NRG1: variants seen among roughly 807,000 people sequenced by gnomAD.
NRG1 encodes the protein neuregulin 1, also known as pro-neuregulin-1, membrane-bound isoform.
Under a neutral mutation model 63.8 loss-of-function variants are expected in NRG1, and 18 were observed. The observed-to-expected ratio is 0.28, with a 90% CI of 0.19 to 0.42. The LOEUF (loss-of-function observed/expected upper bound fraction) is 0.42, where lower values mean the gene tolerates loss of function less well. Ranked by LOEUF, NRG1 falls within the 10% of genes least tolerant of loss-of-function variation. The pLI is 1.00. For missense variants in NRG1, 762 were observed against 814.7 expected (o/e 0.94, Z 0.79); for synonymous variants, 302 against 301.3 (o/e 1.00, Z -0.02).
chr8:31,706,972 C>T (rs1811212458), intron 1 of NRG1, among the ~76,000 whole-genome samples: 1 of 151,944 alleles, frequency 6.6e-6, no homozygotes, highest in Non-Finnish European at 1.5e-5. Context: ...AGAATTATAT[C>T]ATTTGTATTT....
intron 1 of NRG1, among the ~76,000 whole-genome samples, chr8:31,678,937 C>T (rs1808030353): frequency 1.3e-5 from 2 of 151,578 alleles, no homozygotes; most frequent in South Asian, 4.1e-4. Flanking sequence ...CTGACTATTT[C>T]ATGGTAGGTT....
At chr8:32,436,165 A>G (rs1246491219) in intron 1 of NRG1, among the ~76,000 whole-genome samples, 2 of 152,176 alleles carry the variant, frequency 1.3e-5, no homozygotes, top group African/African-American at 4.8e-5. Flanking sequence ...CACATCTTAC[A>G]TGGCAGCAGG....
chr8:32,621,260 ATTTTC>A (rs1395338189), intron 5 of NRG1, among the ~76,000 whole-genome samples: 1 of 151,970 alleles, frequency 6.6e-6, no homozygotes, highest in Non-Finnish European at 1.5e-5. Context: ...AATTTTCTTT[ATTTTC>A]TTTTGTTTTT....
intron 1 of NRG1, among the ~76,000 whole-genome samples, chr8:32,309,052 G>A (rs938030087): frequency 2.6e-5 from 4 of 152,130 alleles, no homozygotes; most frequent in African/African-American, 9.7e-5. Flanking sequence ...AGGAGTGAAG[G>A]ATGTGCCATC....
intron 1 of NRG1, among the ~76,000 whole-genome samples, chr8:32,314,249 T>A (rs1366150327): frequency 3.3e-5 from 5 of 152,136 alleles, no homozygotes; most frequent in African/African-American, 4.8e-5. Context: ...GAAAGAGTCT[T>A]GGAGCAGGAG....
chr8:32,019,390 G>C (rs1240922628), intron 1 of NRG1, among the ~76,000 whole-genome samples: 2 of 152,200 alleles, frequency 1.3e-5, no homozygotes, highest in African/African-American at 4.8e-5. Flanking sequence ...GAGCCAGCGT[G>C]CCTGGCATGG....
chr8:32,410,611 A>C (rs1814779078), intron 1 of NRG1, among the ~76,000 whole-genome samples: 1 of 152,176 alleles, frequency 6.6e-6, no homozygotes, highest in Admixed American at 6.5e-5. Context: ...CATGACCATT[A>C]GTCTTTCATT....
intron 1 of NRG1, among the ~76,000 whole-genome samples, chr8:32,158,507 C>T (rs760369565): frequency 1.5e-3 from 154 of 105,958 alleles, no homozygotes; most frequent in Admixed American, 6.9e-3. Flanking sequence ...CAAAACAGAT[C>T]ACAAAGCTGA....
At chr8:32,243,139 C>A (rs1848274925) in intron 1 of NRG1, among the ~76,000 whole-genome samples, 1 of 152,030 alleles carries the variant, frequency 6.6e-6, no homozygotes, top group South Asian at 2.1e-4. Flanking sequence ...GGACATTAGT[C>A]ATTGCTGGGC....
chr8:32,272,842 CAG>C (rs1042500640), intron 1 of NRG1, among the ~76,000 whole-genome samples: 1 of 152,098 alleles, frequency 6.6e-6, no homozygotes, highest in African/African-American at 2.4e-5. Flanking sequence ...TAAAATAAAT[CAG>C]AGTTTCCTTT....
intron 1 of NRG1, among the ~76,000 whole-genome samples, chr8:31,822,633 A>C (rs1190618474): frequency 6.6e-6 from 1 of 152,210 alleles, no homozygotes; most frequent in African/African-American, 2.4e-5. Context: ...GCCTATTAAA[A>C]AGGCAGACCC....
At chr8:31,982,146 T>C (rs1394581002) in intron 1 of NRG1, among the ~76,000 whole-genome samples, 1 of 151,992 alleles carries the variant, frequency 6.6e-6, no homozygotes, top group Non-Finnish European at 1.5e-5. Flanking sequence ...TCATAGGCTC[T>C]GATTAAGATT....
chr8:32,339,818 G>A (rs1390886198), intron 1 of NRG1, among the ~76,000 whole-genome samples: 1 of 152,136 alleles, frequency 6.6e-6, no homozygotes, highest in African/African-American at 2.4e-5. Context: ...GTTGTTGGAG[G>A]TTGATTGAAA....
intron 1 of NRG1, among the ~76,000 whole-genome samples, chr8:32,319,251 G>A (rs868560658): frequency 6.6e-6 from 1 of 152,138 alleles, no homozygotes; most frequent in Non-Finnish European, 1.5e-5. Flanking sequence ...GATGGAAACA[G>A]GACCCATCAC....
At chr8:32,009,645 C>T (rs1252808813) in intron 1 of NRG1, among the ~76,000 whole-genome samples, 1 of 151,848 alleles carries the variant, frequency 6.6e-6, no homozygotes, top group East Asian at 1.9e-4. Context: ...TGAGCAAAAT[C>T]GTGAAGGTGA....
At position 32,613,436 on chromosome 8, in the gene NRG1, C is replaced by T. The variant is rs190933566; in HGVS notation, c.401-1078C>T. Among the ~76,000 whole-genome samples, 1,241 of 152,080 alleles carry T rather than the reference C, an allele frequency of 8.2e-3. 11 individuals carry two copies. Among genetic ancestry groups the T allele is most frequent in the Non-Finnish European group, 0.014 (966 of 67,932 alleles). ...TGGCGCTTAAATTGATTCTGCTTAC[C>T]TGCTAGACTAGTCCAATCTTGGAAA... is the stretch of plus-strand genomic sequence containing the variant. On this transcript the variant is annotated intron_variant, in intron 3 of 11. Transcript: ENST00000356819.
chr8:32,743,450 T>C (rs1440456600), intron 7 of NRG1, among the ~76,000 whole-genome samples: 2 of 151,512 alleles, frequency 1.3e-5, no homozygotes, highest in Non-Finnish European at 2.9e-5. Flanking sequence ...AATAAAATAG[T>C]TACTGTTATT....
chr8:31,897,123 C>G (rs1831635455), intron 1 of NRG1, among the ~76,000 whole-genome samples: 4 of 152,156 alleles, frequency 2.6e-5, no homozygotes, highest in Admixed American at 2.0e-4. Context: ...ACTATGTAAA[C>G]TGAAAATACA....
At chr8:31,921,729 G>A (rs939385342) in intron 1 of NRG1, among the ~76,000 whole-genome samples, 4 of 152,140 alleles carry the variant, frequency 2.6e-5, no homozygotes, top group African/African-American at 9.7e-5. Context: ...ATCATTAACA[G>A]CTGCTTCCAT....
Sources: allele counts gnomAD v4.1 joint callset (sites outside exome capture counted in the v4.1 genomes callset), GRCh38; gene constraint gnomAD v4.1.1; transcripts MANE v1.5; gene names NCBI Gene and HGNC (gene_info 2026-07-23, HGNC 2026-07-21).